MYH3: variants seen among roughly 807,000 people sequenced by gnomAD.
The protein encoded by MYH3 is myosin heavy chain 3.
Under a neutral mutation model 238.0 loss-of-function variants are expected in MYH3, and 130 were observed. That is an observed-to-expected ratio of 0.55 (90% CI 0.47 to 0.63). The LOEUF (loss-of-function observed/expected upper bound fraction) is 0.63, where lower values mean the gene tolerates loss of function less well. MYH3 is among the 30% of genes least tolerant of loss of function. MYH3 has a pLI of 0.00. For synonymous variants in MYH3, 880 were observed against 924.1 expected, an observed-to-expected ratio of 0.95 and a Z score of 0.86; for missense variants, 1,853 against 2,374.9, an observed-to-expected ratio of 0.78 and a Z score of 4.57.
At chr17:10,636,712 A>G (rs140108794) in intron 28 of MYH3, among the ~76,000 whole-genome samples, 3,031 of 152,144 alleles carry the variant, frequency 0.02, 95 homozygotes, top group African/African-American at 0.068. Context: ...TCAGGAGTTC[A>G]AGACCAGCCT....
upstream of MYH3, among the ~76,000 whole-genome samples, chr17:10,661,444 G>A (rs186647204): frequency 1.4e-3 from 211 of 152,178 alleles, no homozygotes; most frequent in African/African-American, 4.8e-3. Flanking sequence ...TGACTTAGTG[G>A]CATATTATTA....
Position 10,642,663 on chromosome 17 carries a change from A to C in MYH3, c.1642T>G (p.Ser548Ala). 1 of 1,614,214 alleles carries C rather than the reference A, an allele frequency of 6.2e-7. No homozygotes were observed. The highest frequency in any genetic ancestry group is 8.5e-7 in the Non-Finnish European group (1 of 1,180,034). ...ECMFPKATDT[S>A]FKNKLYDQHL... ...TGGTCATACAGCTTGTTCTTGAAGG[A>C]GGTGTCTGTTGCCTTGGGGAACATG... The change falls in exon 16 of 41, where the codon TCC becomes GCC. Residue 548 changes from serine to alanine, a missense_variant. Transcript: ENST00000583535. The surrounding 1 kb of genome is among the most constrained non-coding windows in gnomAD (Gnocchi z 5.4).
rs755243121 is a variant in MYH3 at position 10,634,152 on chromosome 17, C to T, written c.4387G>A (p.Glu1463Lys). 1 of 1,614,238 alleles carries T rather than the reference C, an allele frequency of 6.2e-7. No homozygotes were observed. The highest frequency in any genetic ancestry group is 1.1e-5 in the South Asian group (1 of 91,080). Residue 1463 changes from glutamate (E) to lysine (K), a missense_variant, in exon 32 of 41, where the codon GAG becomes AAG. Glu to Lys is a moderately conservative substitution (Grantham distance 56). Transcript: ENST00000583535. ...GATGCCTCCAGCTCTGCTTGGCTCT[C>T]CTCACACTTTGTCTTCCACTCTGCC... is the stretch of plus-strand genomic sequence containing the variant. ...VLAEWKTKCE[E>K]SQAELEASLK... is the part of the protein sequence containing the mutation.
chr17:10,662,543 T>C, the MYH3 span, among the ~76,000 whole-genome samples: 1 of 152,208 alleles, frequency 6.6e-6, no homozygotes, highest in Admixed American at 6.5e-5. Context: ...ATATATCTCC[T>C]AAGAAAAAGG....
Position 10,650,409 on chromosome 17 carries a change from A to G in MYH3, c.506-8T>C, listed in dbSNP as rs1392727360. 2.5e-6 allele frequency: 4 copies of G among 1,611,466 alleles called. No individual in the cohort carries two copies. In the Admixed American group the frequency reaches 6.7e-5, roughly 27 times the overall value. On this transcript the variant is annotated splice_polypyrimidine_tract_variant and splice_region_variant and intron_variant, in intron 5 of 40. Coordinates refer to ENST00000583535, the MANE Select transcript of MYH3 (RefSeq NM_002470.4). ...TGGACTGGTTTTCACGATCTGCCAG[A>G]GGAAAAAATAAAATAGAGTTGATGG... is the stretch of plus-strand genomic sequence containing the variant.
rs756854121 is a variant in MYH3 at position 10,635,742 on chromosome 17, T to G, written c.3968A>C (p.Glu1323Ala). The G allele has an allele frequency of 3.1e-6, 5 of 1,614,020 alleles. No homozygotes were observed. The Admixed American group carries it at 8.3e-5, about 27-fold the overall frequency. Reference protein sequence around the residue: ...TEELKRQLEEENKAKNALAHA... With the variant: ...TEELKRQLEEANKAKNALAHA... ...CTTCCTTCAATGGTGTACCTTGTTC[T>G]CTTCCTCCAGCTGCCTCTTGAGCTC... Residue 1323 changes from glutamate (E) to alanine (A), a missense_variant, in exon 29 of 41, where the codon GAG becomes GCG. This residue lies in a region of MYH3 where 1,044 missense variants were observed against 1,192.6 expected (regional missense o/e 0.88). Coordinates refer to ENST00000583535, the MANE Select transcript of MYH3 (RefSeq NM_002470.4).
At chr17:10,661,625 C>G (rs989931409), upstream of MYH3, among the ~76,000 whole-genome samples, 1 of 152,138 alleles carries the variant, frequency 6.6e-6, no homozygotes, top group South Asian at 2.1e-4. Flanking sequence ...GGTGGCTGCC[C>G]CCTTCTTCAC....
chr17:10,661,812 G>T (rs1183924883), upstream of MYH3, among the ~76,000 whole-genome samples: 4 of 152,222 alleles, frequency 2.6e-5, no homozygotes, highest in Non-Finnish European at 5.9e-5. Context: ...CGTTCTCCAT[G>T]CCCCACTGTG....
chr17:10,640,361 C>A lies in MYH3; in HGVS notation c.2398G>T (p.Val800Leu). 6.2e-7 allele frequency: 1 copy of A among 1,614,240 alleles called. No homozygotes were observed. Among genetic ancestry groups the A allele is most frequent in the Admixed American group, 1.7e-5 (1 of 60,030 alleles). The change falls in exon 21 of 41, where the codon GTG becomes TTG. Residue 800 changes from valine (V) to leucine (L), a missense_variant. Physicochemically the swap from Val to Leu is conservative, Grantham distance 32. Coordinates refer to ENST00000583535, the MANE Select transcript of MYH3 (RefSeq NM_002470.4). ...QAVCRGFLMR[V>L]EFQKMVQRRE... ...CTCTGCACCATCTTCTGGAATTCCA[C>A]ACGCATGAGGAACCCTCTGCACACA...
the MYH3 span, among the ~76,000 whole-genome samples, chr17:10,668,643 T>C: frequency 3.3e-5 from 5 of 152,240 alleles, no homozygotes; most frequent in Non-Finnish European, 7.3e-5. Context: ...TTCTTAGGTG[T>C]GTAAATAGCG....
At chr17:10,653,285 G>A (rs77183276) in intron 3 of MYH3, among the ~76,000 whole-genome samples, 76 of 152,208 alleles carry the variant, frequency 5.0e-4, no homozygotes, top group African/African-American at 1.5e-3. Context: ...AGAAAATGAC[G>A]CATATGTCCC....
rs2074179124 is a variant in MYH3, at chr17:10,632,885, T to G, written c.4648-101A>C. The G allele has an allele frequency of 1.2e-5, 15 of 1,265,454 alleles. No individual in the cohort carries two copies. The South Asian group carries it at 1.7e-4, about 14-fold the overall frequency. 78.4% of individuals were successfully genotyped at this position (1,265,454 alleles called of 1,614,324 possible). On this transcript the variant is annotated intron_variant, in intron 33 of 40. Coordinates refer to ENST00000583535, the MANE Select transcript of MYH3 (RefSeq NM_002470.4). ...AACTTCAATGGAATAGTCCTAAATC[T>G]AATCCTACAATAGTCACAATTCACT...
chr17:10,639,528 T>C (rs2074248691), intron 23 of MYH3, 32 bp downstream of exon 23: 4 of 1,614,022 alleles, frequency 2.5e-6, no homozygotes, highest in South Asian at 1.1e-5. Context: ...GCAATGACTA[T>C]ATCAAGCTAG....
chr17:10,665,824 C>T, the MYH3 span, among the ~76,000 whole-genome samples: 1 of 152,100 alleles, frequency 6.6e-6, no homozygotes, highest in Admixed American at 6.5e-5. Flanking sequence ...AAAAGAAAAG[C>T]CACAGGAGGA....
rs934822593 is a variant in MYH3 at position 10,640,588 on chromosome 17, G to A, written c.2264C>T (p.Thr755Ile). 1.9e-6 allele frequency: 3 copies of A among 1,614,270 alleles called. No homozygotes were observed. The highest frequency in any genetic ancestry group is 2.5e-6 in the Non-Finnish European group (3 of 1,180,044). ...KLLASIDIDH[T>I]QYKFGHTKVF... ...CTTGGTATGTCCAAATTTGTACTGA[G>A]TGTGGTCAATATCAATGGATGCCAG... Residue 755 changes from threonine to isoleucine, a missense_variant, in exon 20 of 41, where the codon ACT (threonine) becomes ATT (isoleucine). By Grantham distance (89) the Thr-to-Ile change is moderately conservative. Around this residue, in one of 3 missense-constraint regions of MYH3, gnomAD observed 678 missense variants for 1,058.9 expected, o/e 0.64. Coordinates refer to ENST00000583535, the MANE Select transcript of MYH3 (RefSeq NM_002470.4).
chr17:10,655,661 C>CT lies in MYH3; in HGVS notation c.-9+428dup, dbSNP rs1321115622. Among the ~76,000 whole-genome samples the CT allele has an allele frequency of 3.0e-3, 440 of 148,652 alleles. 2 individuals carry two copies. Among genetic ancestry groups the CT allele is most frequent in the African/African-American group, 8.3e-3 (338 of 40,680 alleles). On this transcript the variant is annotated intron_variant, in intron 2 of 40. Transcript: ENST00000583535. ...CCTCTCCCGCCTGACCTGTCCTTGC[C>CT]TTTTTTTTTTGAGATGGAGTCTCAC...
At chr17:10,667,807 A>C in the MYH3 span, among the ~76,000 whole-genome samples, 1 of 152,174 alleles carries the variant, frequency 6.6e-6, no homozygotes, top group South Asian at 2.1e-4. Flanking sequence ...CATCTAACAT[A>C]GGAAGGATAA....
intron 4 of MYH3, 165 bp downstream of exon 4, chr17:10,652,255 C>T (rs2074383140): frequency 1.1e-6 from 1 of 881,870 alleles, no homozygotes; most frequent in Non-Finnish European, 1.8e-6. Flanking sequence ...GCCCCATCCA[C>T]CTCTTGCTTT....
chr17:10,629,996 T>A (rs887560046), intron 38 of MYH3, 59 bp from the exon 39 acceptor site: 1 of 1,606,612 alleles, frequency 6.2e-7, no homozygotes, highest in Non-Finnish European at 8.5e-7. Flanking sequence ...GCACACGGCA[T>A]GGGCAGCTTT....
Sources: gnomAD v4.1 joint callset for allele counts (sites outside exome capture counted in the v4.1 genomes callset) on GRCh38, gnomAD v4.1.1 for gene constraint, gnomAD v4.1.1 regional missense constraint, Gnocchi (gnomAD v3.1) non-coding constraint, MANE v1.5 for transcripts, NCBI Gene and HGNC (gene_info 2026-07-23, HGNC 2026-07-21) for gene names.